HS3ST4: variants seen among roughly 807,000 people sequenced by gnomAD.
The protein encoded by HS3ST4 is heparan sulfate-glucosamine 3-sulfotransferase 4.
A neutral mutation model predicts 29.2 loss-of-function variants in HS3ST4; 17 were observed. The observed-to-expected ratio is 0.58, with a 90% confidence interval of 0.40 to 0.87. The LOEUF (loss-of-function observed/expected upper bound fraction) is 0.87, where lower values mean the gene tolerates loss of function less well. Ranked by LOEUF, HS3ST4 falls within the 40% of genes least tolerant of loss-of-function variation. The pLI, the probability that HS3ST4 is intolerant of heterozygous loss-of-function variation, is 0.00. For missense variants in HS3ST4, 627 were observed against 634.5 expected (o/e 0.99, Z 0.13); for synonymous variants, 314 against 285.7 (o/e 1.10, Z -1.00).
At position 25,999,814 on chromosome 16, in the gene HS3ST4, T is replaced by TTA. The variant is rs1019080246; in HGVS notation, c.735-135788_735-135787dup. ...ATTTTATATATATTATATGTATATT[T>TTA]TATATATATATTTATATATTATATA... On this transcript the variant is annotated intron_variant, in intron 1 of 1. Transcript: ENST00000331351. Among the ~76,000 whole-genome samples, 4 of 132,954 alleles carry TTA rather than the reference T, an allele frequency of 3.0e-5. No individual in the cohort carries two copies. In the East Asian group the frequency reaches 6.1e-4, roughly 20 times the overall value. 87.2% of individuals were successfully genotyped at this position (132,954 alleles called of 152,430 possible).
chr16:25,972,883 A>G (rs1239319728), intron 1 of HS3ST4, among the ~76,000 whole-genome samples: 1 of 152,106 alleles, frequency 6.6e-6, no homozygotes. Context: ...CATAGTTTGC[A>G]CTCAATAACT....
intron 1 of HS3ST4, among the ~76,000 whole-genome samples, chr16:25,952,130 G>A (rs1238167162): frequency 6.6e-6 from 1 of 152,166 alleles, no homozygotes; most frequent in Non-Finnish European, 1.5e-5. Context: ...CTGCATTTGA[G>A]CCACAGTGAC....
rs1969499636 is a variant in HS3ST4 at position 26,028,475 on chromosome 16, A to G, written c.735-107137A>G. ...ATTTATTTTGTAGAGATGGTTTATC[A>G]CTGTGTTGCCCAGGTTGGTCTCCAA... On this transcript the variant is annotated intron_variant, in intron 1 of 1. Transcript: ENST00000331351. 2.0e-5 allele frequency among the ~76,000 whole-genome samples: 3 copies of G among 152,168 alleles called. 1 individual carries two copies. The highest frequency in any genetic ancestry group is 1.3e-4 in the Admixed American group (2 of 15,282).
At chr16:26,069,198 T>A (rs1898574150) in intron 1 of HS3ST4, among the ~76,000 whole-genome samples, 1 of 152,194 alleles carries the variant, frequency 6.6e-6, no homozygotes, top group South Asian at 2.1e-4. Flanking sequence ...GTGATACAAC[T>A]GCCTCAGCCT....
At chr16:26,102,128 A>T (rs1898997424) in intron 1 of HS3ST4, among the ~76,000 whole-genome samples, 1 of 152,228 alleles carries the variant, frequency 6.6e-6, no homozygotes, top group Non-Finnish European at 1.5e-5. Flanking sequence ...ATTTACAGAT[A>T]CAGAAAGTGG....
At chr16:25,851,526 G>A (rs116993526) in intron 1 of HS3ST4, among the ~76,000 whole-genome samples, 2,106 of 151,680 alleles carry the variant, frequency 0.014, 16 homozygotes, top group Middle Eastern at 0.02. Context: ...TTGGTTACTC[G>A]AGACCACCCT....
intron 1 of HS3ST4, among the ~76,000 whole-genome samples, chr16:25,727,513 G>A (rs1349114703): frequency 6.6e-6 from 1 of 152,100 alleles, no homozygotes; most frequent in African/African-American, 2.4e-5. Context: ...TATCCATCAG[G>A]GAAAAAATAA....
At chr16:26,093,616 C>T (rs1053272006) in intron 1 of HS3ST4, among the ~76,000 whole-genome samples, 2 of 152,150 alleles carry the variant, frequency 1.3e-5, no homozygotes, top group Non-Finnish European at 2.9e-5. Context: ...AGGTCACCAT[C>T]GTCAAAGACC....
At chr16:25,926,377 G>A (rs1171775675) in intron 1 of HS3ST4, among the ~76,000 whole-genome samples, 5 of 152,168 alleles carry the variant, frequency 3.3e-5, no homozygotes, top group Admixed American at 3.3e-4. Context: ...TGTTGTTTAC[G>A]TGTATGTTTC....
chr16:25,810,614 G>T (rs555044071), intron 1 of HS3ST4, among the ~76,000 whole-genome samples: 1 of 152,258 alleles, frequency 6.6e-6, no homozygotes, highest in South Asian at 2.1e-4. Flanking sequence ...TTCAGGTTCT[G>T]TTGTTTGGTG....
chr16:26,089,478 C>A (rs7193213), intron 1 of HS3ST4, among the ~76,000 whole-genome samples: 81,254 of 152,030 alleles, frequency 0.53, 22,529 homozygotes, highest in African/African-American at 0.67. Flanking sequence ...GACAACAGGA[C>A]AAGTGTCACT....
intron 1 of HS3ST4, among the ~76,000 whole-genome samples, chr16:26,130,096 C>G (rs181865609): frequency 6.6e-6 from 1 of 152,244 alleles, no homozygotes; most frequent in East Asian, 1.9e-4. Flanking sequence ...GCAGTGGGGA[C>G]AGGGCGAGTG....
intron 1 of HS3ST4, among the ~76,000 whole-genome samples, chr16:25,793,056 C>G (rs2141620579): frequency 6.6e-6 from 1 of 151,884 alleles, no homozygotes; most frequent in Non-Finnish European, 1.5e-5. Flanking sequence ...ACTTTCCAAA[C>G]ATTTTGGATA....
intron 1 of HS3ST4, among the ~76,000 whole-genome samples, chr16:25,745,055 T>C (rs988341862): frequency 1.3e-5 from 2 of 152,154 alleles, no homozygotes; most frequent in African/African-American, 4.8e-5. Context: ...AAGGGAATTT[T>C]CATGAAAGTC....
chr16:25,837,165 G>A (rs1040615087), intron 1 of HS3ST4, among the ~76,000 whole-genome samples: 1 of 152,194 alleles, frequency 6.6e-6, no homozygotes, highest in Admixed American at 6.5e-5. Flanking sequence ...ACTAGGGTCA[G>A]CCATGAGATT....
intron 1 of HS3ST4, among the ~76,000 whole-genome samples, chr16:26,049,077 T>C (rs1328557587): frequency 6.6e-6 from 1 of 152,108 alleles, no homozygotes; most frequent in Non-Finnish European, 1.5e-5. Flanking sequence ...TTGCCTTTTA[T>C]TTGTGGCAAA....
At chr16:25,959,737 G>A (rs182093292) in intron 1 of HS3ST4, among the ~76,000 whole-genome samples, 5 of 152,294 alleles carry the variant, frequency 3.3e-5, no homozygotes, top group East Asian at 1.9e-4. Flanking sequence ...GATCCTCAAT[G>A]TTGGGGATGG....
intron 1 of HS3ST4, among the ~76,000 whole-genome samples, chr16:26,059,584 G>A (rs1898451193): frequency 6.6e-6 from 1 of 152,054 alleles, no homozygotes; most frequent in African/African-American, 2.4e-5. Context: ...ACTAATAGTT[G>A]CCAGGTTTCC....
intron 1 of HS3ST4, among the ~76,000 whole-genome samples, chr16:25,882,505 G>T (rs2141664664): frequency 6.6e-6 from 1 of 152,276 alleles, no homozygotes; most frequent in Non-Finnish European, 1.5e-5. Context: ...ATGGTGGATT[G>T]TCTTTCCAGC....
Sources: allele counts gnomAD v4.1 joint callset (sites outside exome capture counted in the v4.1 genomes callset), GRCh38; gene constraint gnomAD v4.1.1; transcripts MANE v1.5; gene names NCBI Gene and HGNC (gene_info 2026-07-23, HGNC 2026-07-21).